The following ABL1 variants were observed in gnomAD, a reference collection of about 807,000 sequenced individuals.
ABL1 encodes the protein ABL proto-oncogene 1, non-receptor tyrosine kinase.
ABL1 carries 11 observed loss-of-function variants against 94.7 expected under a neutral mutation model. The ratio of observed to expected loss-of-function variants is 0.12; its 90% CI spans 0.07 to 0.19. The LOEUF (loss-of-function observed/expected upper bound fraction) is 0.19, where lower values mean the gene tolerates loss of function less well. Ranked by LOEUF, ABL1 falls within the 10% of genes least tolerant of loss-of-function variation. The pLI is 1.00. For missense variants in ABL1, 1,082 were observed against 1,489.4 expected (o/e 0.73, Z 4.50); for synonymous variants, 656 against 622.4 (o/e 1.05, Z -0.80).
At chr9:130,774,735 A>G (rs905540792) in intron 1 of ABL1, among the ~76,000 whole-genome samples, 3 of 152,160 alleles carry the variant, frequency 2.0e-5, no homozygotes, top group African/African-American at 7.2e-5. Flanking sequence ...AGTCCCAGCT[A>G]CTTGAGGGGC....
chr9:130,804,276 G>A (rs1166307870), intron 1 of ABL1, among the ~76,000 whole-genome samples: 2 of 147,702 alleles, frequency 1.4e-5, no homozygotes, highest in Admixed American at 6.7e-5. Context: ...GAAAAACGGC[G>A]TGAACCCAGG....
chr9:130,860,858 G>A (rs1205436071), intron 3 of ABL1, among the ~76,000 whole-genome samples: 1 of 152,168 alleles, frequency 6.6e-6, no homozygotes, highest in Non-Finnish European at 1.5e-5. Flanking sequence ...TCGGGGATTG[G>A]GAGCTGACCC....
chr9:130,714,334 T>C (rs993694601), exon 1 of ABL1: 2 of 1,610,002 alleles, frequency 1.2e-6, no homozygotes, highest in African/African-American at 2.7e-5. Flanking sequence ...GGCAGCAGCC[T>C]GGAAAAGTAC....
At position 130,854,847 on chromosome 9, in the gene ABL1, T is replaced by C. The variant is rs778454302; in HGVS notation, c.300T>C (p.Cys100=). 7 of 1,614,216 alleles carry C rather than the reference T, an allele frequency of 4.3e-6. No individual in the cohort carries two copies. The South Asian group carries it at 5.5e-5, about 13-fold the overall frequency. Residue 100 remains cysteine, a synonymous_variant, in exon 3 of 11, where the codon TGT becomes TGC. Coordinates refer to ENST00000318560, the MANE Select transcript of ABL1 (RefSeq NM_005157.6). Reference sequence around the variant, plus strand: ...GCTATAATCACAATGGGGAATGGTGTGAAGCCCAAACCAAAAATGGCCAAG... The same window carrying C: ...GCTATAATCACAATGGGGAATGGTGCGAAGCCCAAACCAAAAATGGCCAAG... ...VLGYNHNGEW[C]EAQTKNGQGW...
intron 1 of ABL1, among the ~76,000 whole-genome samples, chr9:130,730,384 A>G (rs966794946): frequency 1.3e-5 from 2 of 152,014 alleles, no homozygotes; most frequent in African/African-American, 4.8e-5. Flanking sequence ...GTAGTTGTGC[A>G]GTAGTATCTC....
chr9:130,859,961 G>A (rs973164179), intron 3 of ABL1, among the ~76,000 whole-genome samples: 1 of 152,126 alleles, frequency 6.6e-6, no homozygotes, highest in Admixed American at 6.5e-5. Context: ...TTACAGGCGT[G>A]AGCCACTGCT....
chr9:130,881,258 A>G (rs888430251), intron 10 of ABL1, among the ~76,000 whole-genome samples: 12 of 152,238 alleles, frequency 7.9e-5, no homozygotes, highest in East Asian at 7.7e-4. Flanking sequence ...GCTCTGTTCT[A>G]TGTTCATGGT....
chr9:130,717,647 GTC>G (rs1831460096), intron 1 of ABL1, among the ~76,000 whole-genome samples: 1 of 150,322 alleles, frequency 6.7e-6, no homozygotes. Flanking sequence ...GGGAGACCGT[GTC>G]TCTGGGGGGT....
intron 1 of ABL1, among the ~76,000 whole-genome samples, chr9:130,728,935 A>T (rs1831627066): frequency 1.3e-5 from 2 of 152,164 alleles, no homozygotes; most frequent in African/African-American, 4.8e-5. Context: ...TGGGTGTTAT[A>T]TTGTAGGGAT....
In ABL1 at chr9:130,733,735, C is replaced by T. The variant is rs34978453; in HGVS notation, c.136+19280C>T. Among the ~76,000 whole-genome samples the T allele has an allele frequency of 3.7e-3, 557 of 151,794 alleles. 5 individuals carry two copies. The highest frequency in any genetic ancestry group is 0.013 in the African/African-American group (526 of 41,362). ...CTGGGACTACAGGCGCCCGCCACCG[C>T]GCCTGCCACCACGCCCGGCTAACTT... On this transcript the variant is annotated intron_variant, in intron 1 of 10. Transcript: ENST00000372348.
intron 1 of ABL1, among the ~76,000 whole-genome samples, chr9:130,828,348 A>C (rs1362388890): frequency 2.1e-5 from 3 of 143,506 alleles, no homozygotes; most frequent in Non-Finnish European, 4.5e-5. Flanking sequence ...GATTATAGGC[A>C]TGAGCCACCA....
intron 1 of ABL1, chr9:130,724,766 A>C: frequency 2.1e-6 from 1 of 470,236 alleles, no homozygotes; most frequent in Non-Finnish European, 4.1e-6. Flanking sequence ...AAAAAAAAAA[A>C]AAAAGCAAAT....
chr9:130,769,041 G>A (rs867923688), intron 1 of ABL1, among the ~76,000 whole-genome samples: 1 of 152,156 alleles, frequency 6.6e-6, no homozygotes, highest in South Asian at 2.1e-4. Flanking sequence ...ATCGGGGTGG[G>A]TATGGCCTGG....
intron 1 of ABL1, among the ~76,000 whole-genome samples, chr9:130,735,987 G>T (rs953174905): frequency 7.8e-6 from 1 of 128,934 alleles, no homozygotes; most frequent in African/African-American, 3.3e-5. Context: ...ACAGGGTCTG[G>T]CTCTGTTATG....
At chr9:130,801,119 G>A (rs938811211) in intron 1 of ABL1, among the ~76,000 whole-genome samples, 8 of 151,952 alleles carry the variant, frequency 5.3e-5, no homozygotes, top group African/African-American at 1.9e-4. Flanking sequence ...TAGTAGAGAC[G>A]GGGTTTCACC....
chr9:130,726,297 A>G lies in ABL1; in HGVS notation c.136+11842A>G, dbSNP rs561436531. ...AAGTAGAAAATTGTGAGCACACCTC[A>G]GAAAGCCTTGTGCCCCCTTCCAGTT... is the stretch of plus-strand genomic sequence containing the variant. On this transcript the variant is annotated intron_variant, in intron 1 of 10. Coordinates refer to the ABL1 transcript ENST00000372348. Among the ~76,000 whole-genome samples, 371 of 152,310 alleles carry G rather than the reference A, an allele frequency of 2.4e-3. 1 individual carries two copies. The highest frequency in any genetic ancestry group is 8.0e-3 in the African/African-American group (332 of 41,572).
chr9:130,859,748 T>A (rs1294185849), intron 3 of ABL1, among the ~76,000 whole-genome samples: 2 of 132,400 alleles, frequency 1.5e-5, no homozygotes, highest in Admixed American at 8.4e-5. Flanking sequence ...TGGCACAATC[T>A]CGGCTCATTG....
At chr9:130,761,775 T>TC (rs916100015) in intron 1 of ABL1, among the ~76,000 whole-genome samples, 4 of 152,234 alleles carry the variant, frequency 2.6e-5, no homozygotes, top group African/African-American at 9.6e-5. Context: ...AGGTTTTTTT[T>TC]CTCTTTTATT....
chr9:130,881,943 A>G (rs1831463334), intron 10 of ABL1, among the ~76,000 whole-genome samples: 1 of 152,178 alleles, frequency 6.6e-6, no homozygotes, highest in South Asian at 2.1e-4. Context: ...ACGTATGTCC[A>G]CTACTGTAGG....
Sources: gnomAD v4.1 joint callset for allele counts (sites outside exome capture counted in the v4.1 genomes callset) on GRCh38, gnomAD v4.1.1 for gene constraint, MANE v1.5 for transcripts, NCBI Gene and HGNC (gene_info 2026-07-23, HGNC 2026-07-21) for gene names.